HTT: variants seen among roughly 807,000 people sequenced by gnomAD.
HTT encodes the protein huntingtin, also known as huntington disease protein.
Under a neutral mutation model 362.3 loss-of-function variants are expected in HTT, and 104 were observed. The observed-to-expected ratio is 0.29, with a 90% CI of 0.24 to 0.34. The LOEUF (loss-of-function observed/expected upper bound fraction) is 0.34, where lower values mean the gene tolerates loss of function less well. HTT is among the 10% of genes least tolerant of loss of function. The probability of loss-of-function intolerance (pLI) is 1.00; values close to 1 mark genes in which losing one functional copy is unlikely to be tolerated. For missense variants in HTT, 3,301 were observed against 3,928.6 expected (o/e 0.84, Z 4.27); for synonymous variants, 1,577 against 1,548.7 (o/e 1.02, Z -0.43).
intron 28 of HTT, 46 bp from the exon 29 acceptor site, chr4:3,160,236 C>A: frequency 8.1e-7 from 1 of 1,235,474 alleles, no homozygotes; most frequent in Non-Finnish European, 1.2e-6. Flanking sequence ...ATTATGAGAT[C>A]GTGACAGGGC....
At chr4:3,107,500 A>C in intron 6 of HTT, 77 bp downstream of exon 6, 1 of 1,446,690 alleles carries the variant, frequency 6.9e-7, no homozygotes, top group Non-Finnish European at 9.7e-7. Context: ...GCTTCTGAAC[A>C]GGGAGTCCTG....
At chr4:3,145,402 G>T (rs897519558) in intron 24 of HTT, among the ~76,000 whole-genome samples, 174 bp downstream of exon 24, 7 of 152,184 alleles carry the variant, frequency 4.6e-5, no homozygotes, top group African/African-American at 1.7e-4. Flanking sequence ...CTAGTGACAG[G>T]AGCTGTGGGA....
intron 6 of HTT, among the ~76,000 whole-genome samples, chr4:3,110,539 C>T (rs768212800): frequency 9.2e-5 from 14 of 152,150 alleles, no homozygotes; most frequent in East Asian, 1.9e-4. Flanking sequence ...GTTTTTCTAT[C>T]GTCTAGTAGC....
At chr4:3,112,280 A>T (rs1358674263) in intron 6 of HTT, among the ~76,000 whole-genome samples, 4 of 152,150 alleles carry the variant, frequency 2.6e-5, no homozygotes, top group African/African-American at 9.7e-5. Flanking sequence ...TTTTCCTGAC[A>T]GGAAATGTAC....
At chr4:3,237,886 T>A (rs1273995477) in intron 64 of HTT, among the ~76,000 whole-genome samples, 1 of 152,200 alleles carries the variant, frequency 6.6e-6, no homozygotes, top group East Asian at 1.9e-4. Flanking sequence ...GGGCCCTGTG[T>A]GGTAACAAGA....
chr4:3,189,823 G>T (rs1190310261), intron 40 of HTT, among the ~76,000 whole-genome samples: 2 of 152,174 alleles, frequency 1.3e-5, no homozygotes, highest in Admixed American at 6.5e-5. Flanking sequence ...CAAGGAGTTT[G>T]AGACCAGCCT....
In HTT at chr4:3,228,404, A is replaced by G. The variant is rs1721025511; in HGVS notation, c.7849-211A>G. 6.6e-6 allele frequency among the ~76,000 whole-genome samples: 1 copy of G among 152,084 alleles called. No homozygotes were observed. The highest frequency in any genetic ancestry group is 2.1e-4 in the South Asian group (1 of 4,822). On this transcript the variant is annotated intron_variant, in intron 57 of 66. Transcript: ENST00000355072. This position sits in a 1 kb window ranked among gnomAD's most constrained non-coding sequence, Gnocchi z 4.3. ...TGACTGGCCCCTGATTCATGCCTTT[A>G]GCATGTGCTGGAGCTTCCCAGCAGC...
Position 3,235,702 on chromosome 4 carries a change from T to A in HTT, c.8709T>A (p.Ser2903Arg), listed in dbSNP as rs1042399205. 3 of 1,613,120 alleles carry A rather than the reference T, an allele frequency of 1.9e-6. No individual in the cohort carries two copies. In the African/African-American group the frequency reaches 4.0e-5, roughly 22 times the overall value. Residue 2903 changes from serine (S) to arginine (R), a missense_variant, in exon 63 of 67, where the codon AGT becomes AGA. Physicochemically the swap from Ser to Arg is moderately radical, Grantham distance 110. Transcript: ENST00000355072. ...RLDAESLVKL[S>R]VDRVNVHSPH... ...ATGCAGAATCGCTGGTCAAGCTGAG[T>A]GTGGACAGAGTGAACGTGCACAGCC...
In HTT at chr4:3,240,237, G is replaced by A; in HGVS notation, c.*178G>A. 1.6e-6 allele frequency: 1 copy of A among 618,766 alleles called. No individual in the cohort carries two copies. Among genetic ancestry groups the A allele is most frequent in the Non-Finnish European group, 2.9e-6 (1 of 350,822 alleles). 38.3% of individuals were successfully genotyped at this position (618,766 alleles called of 1,614,324 possible). ...TGGCAGAAGTGCTCTTTGTGGCAGT[G>A]GCCAGGCAGGGAGTGTCTGCAGTCC... On this transcript the variant is annotated 3_prime_UTR_variant, in exon 67 of 67. Coordinates refer to ENST00000355072, the MANE Select transcript of HTT (RefSeq NM_001388492.1).
chr4:3,074,930 G>A lies in HTT; in HGVS notation c.105G>A (p.Gln35=), dbSNP rs9993357. Residue 35 remains glutamine (Q), a synonymous_variant, in exon 1 of 67, where the codon CAG becomes CAA. Transcript: ENST00000355072. ...AGCAGCAGCAGCAGCAGCAGCAGCA[G>A]CAGCAACAGCCGCCACCGCCGCCGC... The part of the protein sequence containing the change: ...QQQQQQQQQQ[Q]QQQPPPPPPP... The A allele has an allele frequency of 1.1e-3, 1,405 of 1,302,200 alleles. 10 individuals are homozygous for A. The highest frequency in any genetic ancestry group is 0.01 in the African/African-American group (660 of 63,028). The allele number at this position is 1,302,200 out of a possible 1,614,324, so 80.7% of individuals were successfully genotyped here.
At chr4:3,131,179 C>G in intron 14 of HTT, 107 bp from the exon 15 acceptor site, 1 of 819,798 alleles carries the variant, frequency 1.2e-6, no homozygotes, top group African/African-American at 1.7e-5. Flanking sequence ...ATCTCTTTAT[C>G]CCCAGCACCT....
At chr4:3,236,286 A>G (rs538933352) in intron 64 of HTT, 32 bp downstream of exon 64, 2 of 1,448,280 alleles carry the variant, frequency 1.4e-6, no homozygotes, top group Admixed American at 3.3e-5. Flanking sequence ...CTCAGCCGTT[A>G]GCTTCCCTAG....
chr4:3,223,529 C>G lies in HTT; in HGVS notation c.7594C>G (p.Arg2532Gly). Residue 2532 changes from arginine to glycine, a missense_variant, in exon 55 of 67, where the codon CGG becomes GGG. Arg to Gly is a moderately radical substitution (Grantham distance 125). Coordinates refer to ENST00000355072, the MANE Select transcript of HTT (RefSeq NM_001388492.1). ...TGTAAGCTGCTTGGAGCAGCAGCCC[C>G]GGAACAAGCCTCTGAAAGCTCTCGA... ...PAVSCLEQQPRNKPLKALDTR... is the reference protein window; with the variant it reads ...PAVSCLEQQPGNKPLKALDTR... 1 of 1,612,546 alleles carries G rather than the reference C, an allele frequency of 6.2e-7. No homozygotes were observed. The highest frequency in any genetic ancestry group is 8.5e-7 in the Non-Finnish European group (1 of 1,179,370).
rs544808684 is a variant in HTT at position 3,076,952 on chromosome 4, C to T, written c.263+1864C>T. ...GAGCACTTTGGGAGGCCTAGGTGGACGAATCACCTGAGGTCAGGAGTTTGA... is the reference window on the plus strand; with the variant it reads ...GAGCACTTTGGGAGGCCTAGGTGGATGAATCACCTGAGGTCAGGAGTTTGA... On this transcript the variant is annotated intron_variant, in intron 1 of 66. Transcript: ENST00000355072. 8.2e-4 allele frequency among the ~76,000 whole-genome samples: 124 copies of T among 152,136 alleles called. 1 individual carries two copies. Among genetic ancestry groups the T allele is most frequent in the Non-Finnish European group, 1.4e-3 (94 of 68,012 alleles).
At position 3,119,014 on chromosome 4, in the gene HTT, A is replaced by G. The variant is rs183898289; in HGVS notation, c.1069-2214A>G. On this transcript the variant is annotated intron_variant, in intron 8 of 66. Transcript: ENST00000355072. ...AAGCAAGTGTGGGCAAAATATTGATAATTTTAGATATGCAGGAACTTAGTT... is the reference window on the plus strand; with the variant it reads ...AAGCAAGTGTGGGCAAAATATTGATGATTTTAGATATGCAGGAACTTAGTT... Among the ~76,000 whole-genome samples the G allele has an allele frequency of 4.4e-4, 67 of 152,340 alleles. No homozygotes were observed. In the East Asian group the frequency reaches 0.012, roughly 27 times the overall value.
intron 37 of HTT, among the ~76,000 whole-genome samples, chr4:3,184,198 T>TA (rs1178998208): frequency 1.3e-5 from 2 of 151,490 alleles, no homozygotes; most frequent in Non-Finnish European, 2.9e-5. Flanking sequence ...AAAGGAAAGA[T>TA]ACAAGCCTAG....
At position 3,075,293 on chromosome 4, in the gene HTT, G is replaced by A. The variant is rs1712460068; in HGVS notation, c.263+205G>A. ...CACTTCAGCCCCGCTCCCTCACTTGGGTCTTCCCTTGTCCTCTCGCGAGGG... is the reference window on the plus strand; with the variant it reads ...CACTTCAGCCCCGCTCCCTCACTTGAGTCTTCCCTTGTCCTCTCGCGAGGG... On this transcript the variant is annotated intron_variant, in intron 1 of 66. Coordinates refer to ENST00000355072, the MANE Select transcript of HTT (RefSeq NM_001388492.1). Among the ~76,000 whole-genome samples, 3 of 152,244 alleles carry A rather than the reference G, an allele frequency of 2.0e-5. No homozygotes were observed. In the South Asian group the frequency reaches 6.2e-4, roughly 32 times the overall value.
At chr4:3,112,872 TG>T (rs1276085410) in intron 6 of HTT, 1 of 174,638 alleles carries the variant, frequency 5.7e-6, no homozygotes, top group East Asian at 1.9e-4. Flanking sequence ...CCACTGTGTA[TG>T]GGGATTCCAG....
In HTT at chr4:3,212,100, G is replaced by A. The variant is rs202240444; in HGVS notation, c.6586G>A (p.Ala2196Thr). The A allele has an allele frequency of 8.7e-5, 140 of 1,613,878 alleles. No individual in the cohort carries two copies. The African/African-American group carries it at 1.6e-3, about 18-fold the overall frequency. The part of the protein sequence containing the change: ...VHHVFQPELP[A>T]EPAAYWSKLN... ...TCATGTCTTCCAGCCCGAGCTGCCT[G>A]CAGAGCCGGCGGCCTACTGGAGCAA... is the stretch of plus-strand genomic sequence containing the variant. Residue 2196 changes from alanine (A) to threonine (T), a missense_variant, in exon 48 of 67, where the codon GCA (alanine) becomes ACA (threonine). Coordinates refer to ENST00000355072, the MANE Select transcript of HTT (RefSeq NM_001388492.1).
Sources: gnomAD v4.1 joint callset for allele counts (sites outside exome capture counted in the v4.1 genomes callset) on GRCh38, gnomAD v4.1.1 for gene constraint, Gnocchi (gnomAD v3.1) non-coding constraint, MANE v1.5 for transcripts, NCBI Gene and HGNC (gene_info 2026-07-23, HGNC 2026-07-21) for gene names.